The following AIG1 variants were observed in gnomAD, a reference collection of about 807,000 sequenced individuals.
AIG1 encodes the protein androgen-induced gene 1 protein.
Under a neutral mutation model 31.4 loss-of-function variants are expected in AIG1, and 23 were observed. The observed-to-expected ratio is 0.73, with a 90% CI of 0.53 to 1.04. The LOEUF (loss-of-function observed/expected upper bound fraction) is 1.04, where lower values mean the gene tolerates loss of function less well. AIG1 is among the 50% of genes least tolerant of loss of function. The probability of loss-of-function intolerance (pLI) is 0.00; values close to 1 mark genes in which losing one functional copy is unlikely to be tolerated. For synonymous variants in AIG1, 100 were observed against 110.5 expected (o/e 0.90, Z 0.60); for missense variants, 274 against 295.0 (o/e 0.93, Z 0.52).
intron 1 of AIG1, among the ~76,000 whole-genome samples, chr6:143,119,231 T>C (rs2128498547): frequency 6.6e-6 from 1 of 152,320 alleles, no homozygotes; most frequent in East Asian, 1.9e-4. Flanking sequence ...GTGGGGATTG[T>C]AGATTTTTGC....
chr6:143,078,391 A>G (rs763334129), intron 1 of AIG1, among the ~76,000 whole-genome samples: 13 of 152,156 alleles, frequency 8.5e-5, no homozygotes, highest in Non-Finnish European at 1.3e-4. Flanking sequence ...GTTTCCCTTA[A>G]TATTGATCCA....
chr6:143,239,483 T>C (rs1794066175), intron 3 of AIG1, among the ~76,000 whole-genome samples: 1 of 152,180 alleles, frequency 6.6e-6, no homozygotes. Flanking sequence ...GGCTGCTTGT[T>C]GATGAGCTGA....
At chr6:143,226,518 A>T (rs969690643) in intron 3 of AIG1, among the ~76,000 whole-genome samples, 7 of 152,074 alleles carry the variant, frequency 4.6e-5, no homozygotes, top group African/African-American at 1.7e-4. Context: ...TGCTGGGATT[A>T]CAGACCTGAG....
intron 3 of AIG1, among the ~76,000 whole-genome samples, chr6:143,218,319 A>G (rs1792193037): frequency 1.3e-5 from 2 of 152,220 alleles, no homozygotes; most frequent in South Asian, 4.1e-4. Flanking sequence ...CCTAGCTGCC[A>G]GCATTAATTA....
Position 143,190,112 on chromosome 6 carries a change from C to G in AIG1, c.399+24929C>G, listed in dbSNP as rs1006822964. ...CTAATCACTTCCCAAAGGGCCATCT[C>G]CTAATGCTATAACCTTAGAGGTTAG... On this transcript the variant is annotated intron_variant, in intron 3 of 5. Coordinates refer to ENST00000357847, the MANE Select transcript of AIG1 (RefSeq NM_016108.4). The G allele has an allele frequency of 1.9e-5, 18 of 926,634 alleles. No homozygotes were observed. The African/African-American group carries it at 3.2e-4, about 17-fold the overall frequency. 57.4% of individuals were successfully genotyped at this position (926,634 alleles called of 1,614,324 possible).
At chr6:143,337,785 C>T (rs1024125825) in intron 5 of AIG1, among the ~76,000 whole-genome samples, 1 of 152,148 alleles carries the variant, frequency 6.6e-6, no homozygotes, top group African/African-American at 2.4e-5. Flanking sequence ...CCTGGTGGAG[C>T]CCTCCACCGG....
At chr6:143,073,048 G>A (rs947971546) in intron 1 of AIG1, among the ~76,000 whole-genome samples, 1 of 152,038 alleles carries the variant, frequency 6.6e-6, no homozygotes. Flanking sequence ...TCCCACTCCC[G>A]TGCCTGGTAA....
rs1583779484 is a variant in AIG1 at position 143,297,074 on chromosome 6, T to C, written c.515+12849T>C. Among the ~76,000 whole-genome samples the C allele has an allele frequency of 6.6e-6, 1 of 150,554 alleles. No individual in the cohort carries two copies. Among genetic ancestry groups the C allele is most frequent in the East Asian group, 2.0e-4 (1 of 5,012 alleles). On this transcript the variant is annotated intron_variant, in intron 4 of 5. Coordinates refer to ENST00000357847, the MANE Select transcript of AIG1 (RefSeq NM_016108.4). This position sits in a 1 kb window ranked among gnomAD's most constrained non-coding sequence, Gnocchi z 5.1. ...GAACTAAAAAGCAATAGTCATCCAG[T>C]TGATAACTGCTATTTGCAAGAGGAA...
chr6:143,107,685 AAG>A (rs1225560285), intron 1 of AIG1, among the ~76,000 whole-genome samples: 3 of 152,210 alleles, frequency 2.0e-5, no homozygotes, highest in African/African-American at 7.2e-5. Flanking sequence ...CAGGACAGGA[AAG>A]AGGGGAAGAA....
intron 4 of AIG1, among the ~76,000 whole-genome samples, chr6:143,320,749 A>G (rs902989449): frequency 6.6e-5 from 10 of 151,904 alleles, no homozygotes; most frequent in African/African-American, 2.2e-4. Flanking sequence ...AGTCCTGGAG[A>G]TCTACTGTAC....
chr6:143,092,363 C>T (rs892117613), intron 1 of AIG1, among the ~76,000 whole-genome samples: 1 of 150,066 alleles, frequency 6.7e-6, no homozygotes, highest in African/African-American at 2.5e-5. Flanking sequence ...AGGCAGTCCT[C>T]CTGCCTCAGC....
At chr6:143,067,602 T>C (rs1316530467) in intron 1 of AIG1, among the ~76,000 whole-genome samples, 1 of 152,232 alleles carries the variant, frequency 6.6e-6, no homozygotes, top group Non-Finnish European at 1.5e-5. Context: ...GTTAGTCTTA[T>C]ATTTATTTAC....
In AIG1 at chr6:143,242,089, C is replaced by T. The variant is rs117805578; in HGVS notation, c.400-42021C>T. Among the ~76,000 whole-genome samples the T allele has an allele frequency of 9.4e-3, 1,435 of 152,194 alleles. 43 individuals carry two copies. Among genetic ancestry groups the T allele is most frequent in the East Asian group, 0.064 (333 of 5,172 alleles). On this transcript the variant is annotated intron_variant, in intron 3 of 5. Transcript: ENST00000357847. Reference sequence around the variant, plus strand: ...TTTTGATCTCTGTCGACACGTCTCCCCCTCCAGGATAAAGAGGAAAAGCAG... The same window carrying T: ...TTTTGATCTCTGTCGACACGTCTCCTCCTCCAGGATAAAGAGGAAAAGCAG...
intron 3 of AIG1, chr6:143,187,944 T>A: frequency 8.0e-7 from 1 of 1,256,540 alleles, no homozygotes; most frequent in Non-Finnish European, 1.0e-6. Context: ...GAATGATACT[T>A]GCTCTTGATT....
At chr6:143,277,861 A>C (rs1212439002) in intron 3 of AIG1, among the ~76,000 whole-genome samples, 1 of 152,236 alleles carries the variant, frequency 6.6e-6, no homozygotes, top group Non-Finnish European at 1.5e-5. Flanking sequence ...TAGTCTTCAA[A>C]TATTGCCTAT....
intron 3 of AIG1, among the ~76,000 whole-genome samples, chr6:143,231,514 T>C (rs1419389464): frequency 6.6e-6 from 1 of 152,090 alleles, no homozygotes; most frequent in African/African-American, 2.4e-5. Context: ...AAGGGCTCTC[T>C]TGGCTGAGGG....
chr6:143,309,721 A>C (rs1775113512), intron 4 of AIG1, among the ~76,000 whole-genome samples: 1 of 152,072 alleles, frequency 6.6e-6, no homozygotes, highest in Non-Finnish European at 1.5e-5. Context: ...TAGATAAAAT[A>C]ACAAGACTAA....
intron 4 of AIG1, among the ~76,000 whole-genome samples, chr6:143,320,600 A>G (rs1423815617): frequency 1.3e-5 from 2 of 152,216 alleles, no homozygotes; most frequent in African/African-American, 2.4e-5. Flanking sequence ...GAAATAAACC[A>G]GACTATATGA....
At chr6:143,247,260 T>C (rs1794685129) in intron 3 of AIG1, among the ~76,000 whole-genome samples, 1 of 152,298 alleles carries the variant, frequency 6.6e-6, no homozygotes, top group Admixed American at 6.5e-5. Context: ...GCCTCCCAAG[T>C]AACTGGGACT....
Sources: allele counts gnomAD v4.1 joint callset (sites outside exome capture counted in the v4.1 genomes callset), GRCh38; gene constraint gnomAD v4.1.1; non-coding constraint Gnocchi (gnomAD v3.1); transcripts MANE v1.5; gene names NCBI Gene and HGNC (gene_info 2026-07-23, HGNC 2026-07-21).